Variants in TTC39B observed in about 807,000 individuals in gnomAD.
The protein encoded by TTC39B is tetratricopeptide repeat domain 39B.
Under a neutral mutation model 96.6 loss-of-function variants are expected in TTC39B, and 92 were observed. The ratio of observed to expected loss-of-function variants is 0.95; its 90% confidence interval spans 0.80 to 1.13. The LOEUF is 1.13. TTC39B is among the 50% of genes most tolerant of loss of function. The pLI is 0.00. For synonymous variants in TTC39B, 367 were observed against 299.4 expected (o/e 1.23, Z -2.33); for missense variants, 955 against 809.3 (o/e 1.18, Z -2.18).
chr9:15,261,099 T>C (rs563400131), intron 2 of TTC39B, among the ~76,000 whole-genome samples: 2 of 152,152 alleles, frequency 1.3e-5, no homozygotes, highest in African/African-American at 4.8e-5. Flanking sequence ...GAAAAGAAAA[T>C]CTTAATTAAT....
rs147738380 is a variant in TTC39B, at chr9:15,224,784, C to T, written c.371+1133G>A. Among the ~76,000 whole-genome samples the T allele has an allele frequency of 1.6e-4, 24 of 152,274 alleles. No homozygotes were observed. The East Asian group carries it at 3.9e-3, about 24-fold the overall frequency. Reference sequence around the variant, plus strand: ...AAATTCCATGAGCAGGAATTTTACACACACAGTAAAAAAAAGGATATGGAA... The same window carrying T: ...AAATTCCATGAGCAGGAATTTTACATACACAGTAAAAAAAAGGATATGGAA... On this transcript the variant is annotated intron_variant, in intron 3 of 19. Transcript: ENST00000512701.
intron 15 of TTC39B, among the ~76,000 whole-genome samples, chr9:15,185,901 A>G (rs867778032): frequency 3.3e-5 from 5 of 152,206 alleles, no homozygotes; most frequent in Non-Finnish European, 1.5e-5. Flanking sequence ...ACAGCCAACA[A>G]TTAACGTATA....
intron 2 of TTC39B, among the ~76,000 whole-genome samples, chr9:15,243,460 A>G (rs1190794703): frequency 2.6e-5 from 4 of 152,238 alleles, no homozygotes; most frequent in African/African-American, 9.6e-5. Flanking sequence ...GCAGAGCAAG[A>G]TGGCAGAATA....
At chr9:15,256,681 G>C (rs978467710) in intron 2 of TTC39B, among the ~76,000 whole-genome samples, 2 of 152,182 alleles carry the variant, frequency 1.3e-5, no homozygotes, top group African/African-American at 4.8e-5. Context: ...GAGAAAGTGG[G>C]AGGACACGCC....
At chr9:15,207,735 C>G (rs1819947404) in intron 6 of TTC39B, among the ~76,000 whole-genome samples, 1 of 151,880 alleles carries the variant, frequency 6.6e-6, no homozygotes, top group African/African-American at 2.4e-5. Flanking sequence ...CCTGTAATCC[C>G]AGTACTTCGG....
At chr9:15,297,337 C>T (rs1193709636) in intron 1 of TTC39B, among the ~76,000 whole-genome samples, 1 of 152,184 alleles carries the variant, frequency 6.6e-6, no homozygotes, top group Non-Finnish European at 1.5e-5. Context: ...AGTTTCAACT[C>T]CTTCGTGTCG....
At chr9:15,270,043 T>C (rs972383221) in intron 1 of TTC39B, among the ~76,000 whole-genome samples, 2 of 151,424 alleles carry the variant, frequency 1.3e-5, no homozygotes, top group Non-Finnish European at 2.9e-5. Flanking sequence ...GTGGTGCATT[T>C]CTGTAATCCC....
chr9:15,175,083 A>C (rs756533436), exon 19 of TTC39B: 1 of 1,613,780 alleles, frequency 6.2e-7, no homozygotes, highest in Non-Finnish European at 8.5e-7. Context: ...AAAGATGCCA[A>C]TTCAAATAGA....
chr9:15,167,069 C>T (rs1442825833), exon 20 of TTC39B: 2 of 89,740 alleles, frequency 2.2e-5, no homozygotes, highest in Non-Finnish European at 4.0e-5. Context: ...CAGGGTCTCA[C>T]TCTGTCACCT....
chr9:15,239,588 A>G (rs766981426), intron 2 of TTC39B, among the ~76,000 whole-genome samples: 3 of 152,266 alleles, frequency 2.0e-5, no homozygotes, highest in East Asian at 1.9e-4. Context: ...TGTAGCCACA[A>G]AAAGGAATGA....
intron 1 of TTC39B, among the ~76,000 whole-genome samples, chr9:15,296,911 CA>C (rs2131613037): frequency 6.6e-6 from 1 of 152,220 alleles, no homozygotes; most frequent in East Asian, 1.9e-4. Context: ...CCCTTGAGCC[CA>C]GGGGGTCAAG....
chr9:15,241,042 G>A (rs1050452214), intron 2 of TTC39B, among the ~76,000 whole-genome samples: 4 of 152,126 alleles, frequency 2.6e-5, no homozygotes, highest in Admixed American at 6.5e-5. Context: ...AAGAGATGGC[G>A]CTCTCACGAG....
chr9:15,260,561 A>T (rs991756367), intron 2 of TTC39B, among the ~76,000 whole-genome samples: 4 of 152,096 alleles, frequency 2.6e-5, no homozygotes. Flanking sequence ...ATTCACCGAT[A>T]TTCACCCTTA....
At chr9:15,177,800 A>G (rs1818024686) in exon 18 of TTC39B, 2 of 1,603,670 alleles carry the variant, frequency 1.2e-6, no homozygotes, top group Admixed American at 3.4e-5. Context: ...TCATCCACAG[A>G]GAAGCTGTTA....
rs1209695635 is a variant in TTC39B at position 15,207,721 on chromosome 9, C to T, written c.691+2367G>A. On this transcript the variant is annotated intron_variant, in intron 6 of 19. Coordinates refer to ENST00000512701, the Ensembl canonical transcript of TTC39B. ...GGATTATCAGCTGGGCACGGTGGCT[C>T]ACACCTGTAATCCCAGTACTTCGGG... Among the ~76,000 whole-genome samples, 3 of 152,102 alleles carry T rather than the reference C, an allele frequency of 2.0e-5. No homozygotes were observed. In the East Asian group the frequency reaches 5.8e-4, roughly 30 times the overall value.
chr9:15,252,898 C>T (rs1356774194), intron 2 of TTC39B, among the ~76,000 whole-genome samples: 1 of 152,194 alleles, frequency 6.6e-6, no homozygotes, highest in African/African-American at 2.4e-5. Flanking sequence ...AGTTTCTTAG[C>T]TTTTTCTGAT....
chr9:15,197,159 A>T (rs1819218328), intron 8 of TTC39B, among the ~76,000 whole-genome samples: 1 of 152,206 alleles, frequency 6.6e-6, no homozygotes. Flanking sequence ...TGTGTGACTC[A>T]CTTTATTGCA....
intron 1 of TTC39B, among the ~76,000 whole-genome samples, chr9:15,289,552 A>G (rs1189493548): frequency 6.6e-6 from 1 of 152,218 alleles, no homozygotes; most frequent in Admixed American, 6.5e-5. Context: ...ATGCCGGCAA[A>G]TGGCAGAACT....
chr9:15,218,243 T>C (rs1341488661), intron 3 of TTC39B, among the ~76,000 whole-genome samples: 7 of 149,686 alleles, frequency 4.7e-5, no homozygotes, highest in South Asian at 2.1e-4. Context: ...CCCTCAAGTA[T>C]AGCATGATGT....
Sources: allele counts gnomAD v4.1 joint callset (sites outside exome capture counted in the v4.1 genomes callset), GRCh38; gene constraint gnomAD v4.1.1; transcripts MANE v1.5; gene names NCBI Gene and HGNC (gene_info 2026-07-23, HGNC 2026-07-21).